Variants in LACC1 observed in about 807,000 individuals in gnomAD.
The protein encoded by LACC1 is laccase domain multifunctional purine nucleosidase 1.
In LACC1, 25 loss-of-function variants were observed where a neutral mutation model predicts 34.8. That is an observed-to-expected ratio of 0.72 (90% confidence interval 0.52 to 1.00). LACC1 has a LOEUF of 1.00. LACC1 is among the 50% of genes least tolerant of loss of function. The probability of loss-of-function intolerance (pLI) is 0.00; values close to 1 mark genes in which losing one functional copy is unlikely to be tolerated. For missense variants in LACC1, 426 were observed against 511.2 expected (o/e 0.83, Z 1.61); for synonymous variants, 162 against 168.0 (o/e 0.96, Z 0.28).
At position 43,893,400 on chromosome 13, in the gene LACC1, A is replaced by G. The variant is rs1955636056; in HGVS notation, c.*1953A>G. 6.6e-6 allele frequency: 1 copy of G among 152,022 alleles called. No homozygotes were observed. Among genetic ancestry groups the G allele is most frequent in the Non-Finnish European group, 1.5e-5 (1 of 67,878 alleles). The allele number at this position is 152,022 out of a possible 1,614,324, so 9.4% of individuals were successfully genotyped here. A position where few individuals can be genotyped will look rare whatever the true frequency, so the allele number is the denominator to read the frequency against. ...CTCCAGTTTTCCTTTCAGATTTTAA[A>G]ATTAATTAAAGGGATCTTCATTATA... On this transcript the variant is annotated 3_prime_UTR_variant, in exon 7 of 7. Coordinates refer to ENST00000325686, the MANE Select transcript of LACC1 (RefSeq NM_153218.4).
chr13:43,884,059 G>A, intron 4 of LACC1, 123 bp downstream of exon 4: 1 of 659,660 alleles, frequency 1.5e-6, no homozygotes, highest in South Asian at 2.7e-5. Flanking sequence ...GTGTAATGAT[G>A]GGAGAGGCGG....
chr13:43,880,908 A>T, intron 1 of LACC1, 44 bp from the exon 2 acceptor site: 3 of 1,232,924 alleles, frequency 2.4e-6, no homozygotes, highest in South Asian at 3.1e-5. Context: ...TGTAACTATA[A>T]GATTTATATA....
rs201512041 is a variant in LACC1 at position 43,890,268 on chromosome 13, G to A, written c.1288G>A (p.Glu430Lys). 4 of 1,612,628 alleles carry A rather than the reference G, an allele frequency of 2.5e-6. No homozygotes were observed. The highest frequency in any genetic ancestry group is 3.4e-6 in the Non-Finnish European group (4 of 1,179,392). ...GTQIGFISIK[E>K] ...ACAGATTGGCTTCATATCAATTAAA[G>A]AATGAGGTACAGTAGGTTTTCTCTC... Residue 430 changes from glutamate (E) to lysine (K), a missense_variant, in exon 6 of 7, where the codon GAA (glutamate) becomes AAA (lysine). Glu to Lys is a moderately conservative substitution (Grantham distance 56). This residue lies in a region of LACC1 where 209 missense variants were observed against 300.3 expected (regional missense o/e 0.70). Transcript: ENST00000325686.
chr13:43,882,777 G>C (rs1165558192), intron 3 of LACC1, among the ~76,000 whole-genome samples: 1 of 151,994 alleles, frequency 6.6e-6, no homozygotes, highest in African/African-American at 2.4e-5. Flanking sequence ...CACATTCCTA[G>C]TATTAAACAT....
In LACC1 at chr13:43,881,900, ACAAT is replaced by A. The variant is rs369254498; in HGVS notation, c.563-279_563-276del. Among the ~76,000 whole-genome samples, 214 of 152,342 alleles carry A rather than the reference ACAAT, an allele frequency of 1.4e-3. 5 individuals carry two copies. In the South Asian group the frequency reaches 0.042, roughly 30 times the overall value. ...CCTTCATAGAAGAGTAAAATTTAAAACAATCAATCTTACTTCTTGGTTAAACAGT... is the reference window on the plus strand; with the variant it reads ...CCTTCATAGAAGAGTAAAATTTAAAACAATCTTACTTCTTGGTTAAACAGT... On this transcript the variant is annotated intron_variant, in intron 2 of 6. Transcript: ENST00000325686.
At chr13:43,883,296 GA>G (rs146148689) in intron 3 of LACC1, among the ~76,000 whole-genome samples, 1,940 of 152,310 alleles carry the variant, frequency 0.013, 87 homozygotes, top group East Asian at 0.082. Context: ...TGGTGGTAGA[GA>G]AAGGCCATTA....
rs971824758 is a variant in LACC1, at chr13:43,880,030, C to A, written c.-124C>A. On this transcript the variant is annotated 5_prime_UTR_variant, in exon 1 of 7. Coordinates refer to ENST00000325686, the MANE Select transcript of LACC1 (RefSeq NM_153218.4). Reference sequence around the variant, plus strand: ...CGAATCGCCTCTGGTGTGCGTTGTCCGACAGGAAGTCCCGAATGGGCTGTG... The same window carrying A: ...CGAATCGCCTCTGGTGTGCGTTGTCAGACAGGAAGTCCCGAATGGGCTGTG... The A allele has an allele frequency of 2.6e-5, 4 of 152,344 alleles. No homozygotes were observed. 9.4% of individuals were successfully genotyped at this position (152,344 alleles called of 1,614,324 possible).
At chr13:43,889,882 G>T in intron 5 of LACC1, 1 of 410,682 alleles carries the variant, frequency 2.4e-6, no homozygotes, top group Non-Finnish European at 4.3e-6. Flanking sequence ...ATGTCTATAA[G>T]ACAATATGGA....
rs1673278474 is a variant in LACC1, at chr13:43,892,071, G to A, written c.*624G>A. 1 of 151,916 alleles carries A rather than the reference G, an allele frequency of 6.6e-6. No homozygotes were observed. Among genetic ancestry groups the A allele is most frequent in the South Asian group, 2.1e-4 (1 of 4,828 alleles). The allele number at this position is 151,916 out of a possible 1,614,324, so 9.4% of individuals were successfully genotyped here. A position where few individuals can be genotyped will look rare whatever the true frequency, so the allele number is the denominator to read the frequency against. On this transcript the variant is annotated 3_prime_UTR_variant, in exon 7 of 7. Coordinates refer to ENST00000325686, the MANE Select transcript of LACC1 (RefSeq NM_153218.4). Reference sequence around the variant, plus strand: ...GCATAACATATTCTAGAGAGAGAAGGGTGTGGGCATGAGTTAGGGCTGGAA... The same window carrying A: ...GCATAACATATTCTAGAGAGAGAAGAGTGTGGGCATGAGTTAGGGCTGGAA...
At chr13:43,889,545 T>A (rs938386243) in intron 5 of LACC1, among the ~76,000 whole-genome samples, 1 of 152,232 alleles carries the variant, frequency 6.6e-6, no homozygotes, top group Admixed American at 6.5e-5. Context: ...TTTTAAATCA[T>A]GTTTCTATTC....
rs374378916 is a variant in LACC1 at position 43,888,951 on chromosome 13, A to G, written c.1102A>G (p.Asn368Asp). Residue 368 changes from asparagine to aspartate, a missense_variant, in exon 5 of 7, where the codon AAT becomes GAT. Around this residue, in one of 2 missense-constraint regions of LACC1, gnomAD observed 209 missense variants for 300.3 expected, o/e 0.70. Transcript: ENST00000325686. ...PACVQLFDSP[N>D]PCIDIRKATR... ...ATGTGTACAACTATTTGATTCACCA[A>G]ATCCCTGTATCGACATCCGTAAAGC... 2 of 1,613,642 alleles carry G rather than the reference A, an allele frequency of 1.2e-6. No homozygotes were observed. Among genetic ancestry groups the G allele is most frequent in the Non-Finnish European group, 8.5e-7 (1 of 1,179,742 alleles).
chr13:43,887,572 G>A (rs924737146), intron 4 of LACC1, among the ~76,000 whole-genome samples: 2 of 152,132 alleles, frequency 1.3e-5, no homozygotes, highest in African/African-American at 4.8e-5. Flanking sequence ...TGGGCAAGTG[G>A]GAAGGGAGTA....
chr13:43,882,566 T>TAG (rs1018372598), intron 3 of LACC1, among the ~76,000 whole-genome samples: 3 of 141,104 alleles, frequency 2.1e-5, no homozygotes, highest in East Asian at 4.0e-4. Flanking sequence ...CACGTGCAGA[T>TAG]ATATATATAT....
intron 6 of LACC1, among the ~76,000 whole-genome samples, chr13:43,890,725 C>T (rs1341720583): frequency 1.3e-5 from 2 of 152,126 alleles, no homozygotes; most frequent in South Asian, 2.1e-4. Flanking sequence ...ATTCTAGAAT[C>T]ATAAGAAATT....
At position 43,881,377 on chromosome 13, in the gene LACC1, T is replaced by C; in HGVS notation, c.392T>C (p.Phe131Ser). 6.2e-7 allele frequency: 1 copy of C among 1,614,148 alleles called. No homozygotes were observed. The highest frequency in any genetic ancestry group is 8.5e-7 in the Non-Finnish European group (1 of 1,180,012). ...QLFTDVYNFE[F>S]EDLQVTFRGG... ...TTCACTGATGTTTACAATTTTGAATTTGAAGATTTGCAAGTGACTTTTAGG... is the reference window on the plus strand; with the variant it reads ...TTCACTGATGTTTACAATTTTGAATCTGAAGATTTGCAAGTGACTTTTAGG... The change falls in exon 2 of 7, where the codon TTT becomes TCT. Residue 131 changes from phenylalanine (F) to serine (S), a missense_variant. Phe to Ser is a radical substitution (Grantham distance 155). Around this residue, in one of 2 missense-constraint regions of LACC1, gnomAD observed 217 missense variants for 210.9 expected, o/e 1.03. Coordinates refer to ENST00000325686, the MANE Select transcript of LACC1 (RefSeq NM_153218.4).
Position 43,881,556 on chromosome 13 carries a change from A to G in LACC1, c.562+9A>G, listed in dbSNP as rs1486836050. 1 of 1,564,170 alleles carries G rather than the reference A, an allele frequency of 6.4e-7. No homozygotes were observed. The highest frequency in any genetic ancestry group is 8.7e-7 in the Non-Finnish European group (1 of 1,155,322). Reference sequence around the variant, plus strand: ...TTCTTCTTTGATCCCAGGTATATTAACCACTAACTGTTGTTTTTACTTTGT... The same window carrying G: ...TTCTTCTTTGATCCCAGGTATATTAGCCACTAACTGTTGTTTTTACTTTGT... On this transcript the variant is annotated intron_variant, in intron 2 of 6. Coordinates refer to ENST00000325686, the MANE Select transcript of LACC1 (RefSeq NM_153218.4).
In LACC1 at chr13:43,892,619, G is replaced by A. The variant is rs1361707314; in HGVS notation, c.*1172G>A. The A allele has an allele frequency of 6.6e-6, 1 of 152,050 alleles. No homozygotes were observed. The highest frequency in any genetic ancestry group is 1.9e-4 in the East Asian group (1 of 5,182). The allele number at this position is 152,050 out of a possible 1,614,324, so 9.4% of individuals were successfully genotyped here. ...AGAAATATAGACCTAGAAATTAGGA[G>A]GAAACCTGAGACAGAGACAAATATT... On this transcript the variant is annotated 3_prime_UTR_variant, in exon 7 of 7. Transcript: ENST00000325686.
At chr13:43,890,367 T>A in intron 6 of LACC1, 93 bp downstream of exon 6, 1 of 1,011,718 alleles carries the variant, frequency 9.9e-7, no homozygotes, top group Non-Finnish European at 1.4e-6. Flanking sequence ...TCTTTTAGCC[T>A]ATTCCTCCCC....
intron 1 of LACC1, 42 bp from the exon 2 acceptor site, chr13:43,880,910 A>G (rs914179676): frequency 1.6e-6 from 2 of 1,257,022 alleles, no homozygotes; most frequent in African/African-American, 1.5e-5. Context: ...TAACTATAAG[A>G]TTTATATAAT....
Sources: gnomAD v4.1 joint callset for allele counts (sites outside exome capture counted in the v4.1 genomes callset) on GRCh38, gnomAD v4.1.1 for gene constraint, gnomAD v4.1.1 regional missense constraint, MANE v1.5 for transcripts, NCBI Gene and HGNC (gene_info 2026-07-23, HGNC 2026-07-21) for gene names.